Variants in PCDHGA4 observed in about 807,000 individuals in gnomAD.
The protein encoded by PCDHGA4 is protocadherin gamma-A4.
Under a neutral mutation model 54.6 loss-of-function variants are expected in PCDHGA4, and 38 were observed. The ratio of observed to expected loss-of-function variants is 0.70; its 90% CI spans 0.54 to 0.91. PCDHGA4 has a LOEUF of 0.91. PCDHGA4 is among the 40% of genes least tolerant of loss of function. The pLI is 0.00. For synonymous variants in PCDHGA4, 511 were observed against 512.9 expected, an observed-to-expected ratio of 1.00 and a Z score of 0.05; for missense variants, 1,298 against 1,220.9, an observed-to-expected ratio of 1.06 and a Z score of -0.94.
At chr5:141,401,900 AATT>A (rs1215744256) in intron 1 of PCDHGA4, among the ~76,000 whole-genome samples, 1 of 152,196 alleles carries the variant, frequency 6.6e-6, no homozygotes, top group Non-Finnish European at 1.5e-5. Flanking sequence ...CTTTTTCCCA[AATT>A]ATTATATAAG....
At chr5:141,504,236 C>A (rs1011850372) in intron 2 of PCDHGA4, among the ~76,000 whole-genome samples, 2 of 152,194 alleles carry the variant, frequency 1.3e-5, no homozygotes, top group African/African-American at 4.8e-5. Flanking sequence ...TTCTAAGAAG[C>A]AGAGAGTTCT....
rs76825883 is a variant in PCDHGA4, at chr5:141,433,317, C to T, written c.2515-61490C>T. The T allele has an allele frequency of 1.4e-3, 1,163 of 830,944 alleles. 6 individuals are homozygous for T. In the African/African-American group the frequency reaches 0.015, roughly 11 times the overall value. 51.5% of individuals were successfully genotyped at this position (830,944 alleles called of 1,614,324 possible). A position where few individuals can be genotyped will look rare whatever the true frequency, so the allele number is the denominator to read the frequency against. On this transcript the variant is annotated intron_variant, in intron 1 of 3. Transcript: ENST00000571252. ...CAAGCAATTATCCCACCTTTGCCTC[C>T]GGTGTAACAGGGACTACAGGTGCAA... is the stretch of plus-strand genomic sequence containing the variant.
At chr5:141,371,738 C>A (rs765693064) in intron 1 of PCDHGA4, 9 of 1,613,934 alleles carry the variant, frequency 5.6e-6, no homozygotes, top group African/African-American at 1.3e-5. Context: ...TCAACGACAA[C>A]GTTCCCGTTT....
chr5:141,403,121 C>A, intron 1 of PCDHGA4: 1 of 1,614,046 alleles, frequency 6.2e-7, no homozygotes, highest in Middle Eastern at 1.6e-4. Context: ...TCTGGAGCCC[C>A]GGGAGCTGGC....
chr5:141,365,658 C>T, intron 1 of PCDHGA4: 1 of 1,613,440 alleles, frequency 6.2e-7, no homozygotes, highest in Non-Finnish European at 8.5e-7. Context: ...TTGAAAGTAG[C>T]AGACGTTAAT....
chr5:141,491,612 G>A lies in PCDHGA4; in HGVS notation c.2515-3195G>A, dbSNP rs759955730. ...GACGGCAGTGACTTCACTTTTCTAAGACCCCTCAGCGTTCAGCAGCCCACA... is the reference window on the plus strand; with the variant it reads ...GACGGCAGTGACTTCACTTTTCTAAAACCCCTCAGCGTTCAGCAGCCCACA... On this transcript the variant is annotated intron_variant, in intron 1 of 3. Coordinates refer to ENST00000571252, the MANE Select transcript of PCDHGA4 (RefSeq NM_018917.4). The surrounding 1 kb of genome is among the most constrained non-coding windows in gnomAD (Gnocchi z 6.9). 6.2e-7 allele frequency: 1 copy of A among 1,613,906 alleles called. No individual in the cohort carries two copies. The highest frequency in any genetic ancestry group is 8.5e-7 in the Non-Finnish European group (1 of 1,180,026).
In PCDHGA4 at chr5:141,486,397, G is replaced by T; in HGVS notation, c.2515-8410G>T. 6.2e-7 allele frequency: 1 copy of T among 1,614,164 alleles called. No individual in the cohort carries two copies. Among genetic ancestry groups the T allele is most frequent in the East Asian group, 2.2e-5 (1 of 44,872 alleles). On this transcript the variant is annotated intron_variant, in intron 1 of 3. Coordinates refer to ENST00000571252, the MANE Select transcript of PCDHGA4 (RefSeq NM_018917.4). The surrounding 1 kb of genome is among the most constrained non-coding windows in gnomAD (Gnocchi z 5.0). ...CCTTCAGGAACCAGTTCTCCCTGGTGACTGCTGGACCCTTGGATCGAGAGG... is the reference window on the plus strand; with the variant it reads ...CCTTCAGGAACCAGTTCTCCCTGGTTACTGCTGGACCCTTGGATCGAGAGG...
intron 2 of PCDHGA4, among the ~76,000 whole-genome samples, chr5:141,504,948 T>C (rs1044527570): frequency 2.0e-5 from 3 of 152,080 alleles, no homozygotes; most frequent in Admixed American, 1.3e-4. Flanking sequence ...GAATGCACTA[T>C]GTTCAATGCA....
At position 141,489,207 on chromosome 5, in the gene PCDHGA4, A is replaced by T; in HGVS notation, c.2515-5600A>T. The T allele has an allele frequency of 6.9e-7, 1 of 1,452,692 alleles. No homozygotes were observed. The highest frequency in any genetic ancestry group is 9.3e-7 in the Non-Finnish European group (1 of 1,073,586). 90.0% of individuals were successfully genotyped at this position (1,452,692 alleles called of 1,614,324 possible). ...GGGTCTACCTTGGAGACAGGACAGC[A>T]CAGACTTACTCTCCACAAAGGGACT... On this transcript the variant is annotated intron_variant, in intron 1 of 3. Transcript: ENST00000571252. The surrounding 1 kb of genome is among the most constrained non-coding windows in gnomAD (Gnocchi z 4.5).
chr5:141,450,569 T>G (rs1325535745), intron 1 of PCDHGA4, among the ~76,000 whole-genome samples: 1 of 149,800 alleles, frequency 6.7e-6, no homozygotes, highest in African/African-American at 2.5e-5. Flanking sequence ...TCACTGCAAC[T>G]TCTGCCTCCC....
intron 1 of PCDHGA4, among the ~76,000 whole-genome samples, chr5:141,467,707 G>A (rs1203906639): frequency 6.6e-6 from 1 of 152,140 alleles, no homozygotes; most frequent in Non-Finnish European, 1.5e-5. Flanking sequence ...TGTTGCCCAG[G>A]CTGGAGTGTA....
intron 2 of PCDHGA4, among the ~76,000 whole-genome samples, chr5:141,501,751 C>G (rs188896150): frequency 1.4e-3 from 218 of 152,250 alleles, no homozygotes; most frequent in South Asian, 3.1e-3. Flanking sequence ...ATAGGAAGCT[C>G]TCAGTAAATG....
rs756525217 is a variant in PCDHGA4, at chr5:141,402,958, A to T, written c.2514+45337A>T. On this transcript the variant is annotated intron_variant, in intron 1 of 3. Coordinates refer to ENST00000571252, the MANE Select transcript of PCDHGA4 (RefSeq NM_018917.4). Reference sequence around the variant, plus strand: ...AATTCCAAAGCGAGGCAGCAATGGCAGCTCCAACCAAATGCCAGCTCCGCG... The same window carrying T: ...AATTCCAAAGCGAGGCAGCAATGGCTGCTCCAACCAAATGCCAGCTCCGCG... 48 of 1,602,110 alleles carry T rather than the reference A, an allele frequency of 3.0e-5. 1 individual carries two copies. The highest frequency in any genetic ancestry group is 8.5e-7 in the Non-Finnish European group (1 of 1,173,862).
Position 141,357,549 on chromosome 5 carries a change from G to A in PCDHGA4, c.2442G>A (p.Glu814=). ...ATGCAGACACGCTCATCAGCCGGGA[G>A]AGTTGTGAGAAAAGCGAGCCTCTTC... ...PSYADTLISR[E]SCEKSEPLLI... Residue 814 remains glutamate, a synonymous_variant, in exon 1 of 4, where the codon GAG becomes GAA. Transcript: ENST00000571252. 2 of 1,614,218 alleles carry A rather than the reference G, an allele frequency of 1.2e-6. No individual in the cohort carries two copies. The highest frequency in any genetic ancestry group is 1.7e-6 in the Non-Finnish European group (2 of 1,180,044).
Position 141,418,795 on chromosome 5 carries a change from A to G in PCDHGA4, c.2514+61174A>G, listed in dbSNP as rs373690093. The G allele has an allele frequency of 6.8e-6, 11 of 1,613,740 alleles. No homozygotes were observed. The African/African-American group carries it at 1.5e-4, about 22-fold the overall frequency. On this transcript the variant is annotated intron_variant, in intron 1 of 3. Transcript: ENST00000571252. Reference sequence around the variant, plus strand: ...AGCAGCCTTTGGATTTTGAAGAAGTAGAAAGATATACGATAAACATAGAAG... The same window carrying G: ...AGCAGCCTTTGGATTTTGAAGAAGTGGAAAGATATACGATAAACATAGAAG...
At chr5:141,445,732 A>G (rs2098475548) in intron 1 of PCDHGA4, among the ~76,000 whole-genome samples, 1 of 152,230 alleles carries the variant, frequency 6.6e-6, no homozygotes, top group African/African-American at 2.4e-5. Context: ...ATGTGTAAAG[A>G]TCTTTTTAAA....
At chr5:141,371,216 T>C (rs375835701) in intron 1 of PCDHGA4, 5 of 1,614,056 alleles carry the variant, frequency 3.1e-6, no homozygotes, top group Middle Eastern at 1.6e-4. Flanking sequence ...AGGGCATCAA[T>C]GCCGAAATCA....
chr5:141,419,792 G>A (rs1379811891), intron 1 of PCDHGA4: 1 of 1,614,042 alleles, frequency 6.2e-7, no homozygotes, highest in African/African-American at 1.3e-5. Flanking sequence ...CCTGCTAGTC[G>A]CTGTAAGAGA....
In PCDHGA4 at chr5:141,432,967, G is replaced by T; in HGVS notation, c.2515-61840G>T. ...CAGGAGGCGGCTTGACAGGAGCGCC[G>T]GCGTCGCACTTTGTGGGCGTGGACG... On this transcript the variant is annotated intron_variant, in intron 1 of 3. Coordinates refer to ENST00000571252, the MANE Select transcript of PCDHGA4 (RefSeq NM_018917.4). The surrounding 1 kb of genome is among the most constrained non-coding windows in gnomAD (Gnocchi z 6.0). 1 of 1,614,190 alleles carries T rather than the reference G, an allele frequency of 6.2e-7. No homozygotes were observed. The highest frequency in any genetic ancestry group is 2.2e-5 in the East Asian group (1 of 44,854).
Sources: allele counts gnomAD v4.1 joint callset (sites outside exome capture counted in the v4.1 genomes callset), GRCh38; gene constraint gnomAD v4.1.1; non-coding constraint Gnocchi (gnomAD v3.1); transcripts MANE v1.5; gene names NCBI Gene and HGNC (gene_info 2026-07-23, HGNC 2026-07-21).